The following GALNT8 variants were observed in gnomAD, a reference collection of about 807,000 sequenced individuals.
The protein encoded by GALNT8 is polypeptide N-acetylgalactosaminyltransferase 8, also known as probable polypeptide N-acetylgalactosaminyltransferase 8.
A neutral mutation model predicts 62.7 loss-of-function variants in GALNT8; 66 were observed. That is an observed-to-expected ratio of 1.05 (90% CI 0.86 to 1.29). The LOEUF (loss-of-function observed/expected upper bound fraction) is 1.29, where lower values mean the gene tolerates loss of function less well. GALNT8 is among the 50% of genes most tolerant of loss of function. GALNT8 has a pLI of 0.00. For missense variants in GALNT8, 771 were observed against 791.8 expected, an observed-to-expected ratio of 0.97 and a Z score of 0.32; for synonymous variants, 288 against 294.3, an observed-to-expected ratio of 0.98 and a Z score of 0.22.
intron 9 of GALNT8, among the ~76,000 whole-genome samples, chr12:4,764,742 C>T (rs187514678): frequency 0.01 from 1,564 of 149,486 alleles, 25 homozygotes; most frequent in East Asian, 0.057. Context: ...TTAGCAGAGA[C>T]GGGGTTTCAC....
In GALNT8 at chr12:4,772,610, G is replaced by T; in HGVS notation, c.*13G>T. ...CAACAGCCAGTGATCCTCAGATGGT[G>T]CTGGATCTGGGTCATCAATTCTTGC... On this transcript the variant is annotated 3_prime_UTR_variant, in exon 11 of 11. Transcript: ENST00000252318. 6.3e-7 allele frequency: 1 copy of T among 1,598,144 alleles called. No homozygotes were observed.
At chr12:4,770,316 A>C (rs992171851) in intron 10 of GALNT8, among the ~76,000 whole-genome samples, 18 of 151,890 alleles carry the variant, frequency 1.2e-4, no homozygotes, top group African/African-American at 4.4e-4. Flanking sequence ...GAAAAAAAAA[A>C]AAACAAAAAA....
chr12:4,730,180 G>C (rs1946215399), intron 2 of GALNT8, among the ~76,000 whole-genome samples: 1 of 151,876 alleles, frequency 6.6e-6, no homozygotes, highest in Admixed American at 6.6e-5. Flanking sequence ...TCATTCTTTT[G>C]ATTTTTTTCC....
rs184392189 is a variant in GALNT8, at chr12:4,768,635, T to C, written c.1761+3089T>C. Among the ~76,000 whole-genome samples the C allele has an allele frequency of 2.5e-3, 376 of 152,300 alleles. 2 individuals carry two copies. The highest frequency in any genetic ancestry group is 7.9e-3 in the African/African-American group (330 of 41,570). On this transcript the variant is annotated intron_variant, in intron 10 of 10. Coordinates refer to ENST00000252318, the MANE Select transcript of GALNT8 (RefSeq NM_017417.2). ...CATTCTAACATACAGGCTGGGTCCA[T>C]TTCTATGGCCACTATGTCAAGAACC...
At chr12:4,743,020 A>G (rs936373549) in intron 3 of GALNT8, among the ~76,000 whole-genome samples, 9 of 152,160 alleles carry the variant, frequency 5.9e-5, no homozygotes, top group Admixed American at 3.3e-4. Flanking sequence ...AATTTTTAAT[A>G]TTTGTTTTTC....
chr12:4,722,732 A>G (rs1039100244), intron 1 of GALNT8, among the ~76,000 whole-genome samples: 5 of 152,120 alleles, frequency 3.3e-5, no homozygotes, highest in Non-Finnish European at 5.9e-5. Flanking sequence ...GTGTGTGCAC[A>G]TGGGGCTGGA....
intron 6 of GALNT8, among the ~76,000 whole-genome samples, chr12:4,755,578 G>C (rs753247079): frequency 1.3e-5 from 2 of 152,126 alleles, no homozygotes; most frequent in Admixed American, 6.5e-5. Flanking sequence ...CTGATTTTTG[G>C]TTCTTATGAA....
intron 6 of GALNT8, among the ~76,000 whole-genome samples, chr12:4,755,191 C>G (rs774079220): frequency 6.6e-6 from 1 of 152,206 alleles, no homozygotes; most frequent in Non-Finnish European, 1.5e-5. Context: ...CTAATAGTTG[C>G]CTAGACTGCC....
rs765018619 is a variant in GALNT8 at position 4,745,413 on chromosome 12, C to T, written c.861-16C>T. The T allele has an allele frequency of 2.9e-5, 45 of 1,566,232 alleles. No individual in the cohort carries two copies. Among genetic ancestry groups the T allele is most frequent in the Non-Finnish European group, 3.7e-5 (42 of 1,136,552 alleles). On this transcript the variant is annotated splice_polypyrimidine_tract_variant and intron_variant, in intron 4 of 10. Transcript: ENST00000252318. ...CCTCATATCCAAGCTGGGCTTTCTG[C>T]ACACTCTTGTTCTAGGGCAGAGCCA...
intron 6 of GALNT8, among the ~76,000 whole-genome samples, chr12:4,752,356 A>G (rs889210876): frequency 5.9e-5 from 9 of 151,450 alleles, no homozygotes; most frequent in Admixed American, 3.3e-4. Flanking sequence ...GTCTTCCTCT[A>G]GTGAAGGTGA....
intron 2 of GALNT8, among the ~76,000 whole-genome samples, chr12:4,729,477 T>C (rs1946211577): frequency 6.6e-6 from 1 of 152,142 alleles, no homozygotes; most frequent in Non-Finnish European, 1.5e-5. Context: ...CATTCTACTC[T>C]CTTTCTGTGA....
At chr12:4,735,054 G>A (rs1374334539) in intron 2 of GALNT8, among the ~76,000 whole-genome samples, 3 of 152,284 alleles carry the variant, frequency 2.0e-5, no homozygotes, top group African/African-American at 7.2e-5. Context: ...TGGTTGCAGT[G>A]AGATAAATAT....
chr12:4,760,961 T>G lies in GALNT8; in HGVS notation c.1177T>G (p.Trp393Gly). The change falls in exon 7 of 11, where the codon TGG becomes GGG. Residue 393 changes from tryptophan (W) to glycine (G), a missense_variant. By Grantham distance (184) the Trp-to-Gly change is radical (BLOSUM62 -2). Transcript: ENST00000252318. Reference sequence around the variant, plus strand: ...ATTTTTTGGTCTTCTTCTGCAGGTGTGGCAGTGTGGAGGGAAGGTCGAGAT... The same window carrying G: ...ATTTTTTGGTCTTCTTCTGCAGGTGGGGCAGTGTGGAGGGAAGGTCGAGAT... ...GENVELSLRV[W>G]QCGGKVEILP... 6.2e-7 allele frequency: 1 copy of G among 1,613,790 alleles called. No homozygotes were observed. Among genetic ancestry groups the G allele is most frequent in the Non-Finnish European group, 8.5e-7 (1 of 1,179,824 alleles).
chr12:4,745,158 A>T (rs929897985), intron 4 of GALNT8, among the ~76,000 whole-genome samples: 2 of 152,196 alleles, frequency 1.3e-5, no homozygotes, highest in Non-Finnish European at 2.9e-5. Flanking sequence ...TAATATACAT[A>T]CTGAGAATGC....
chr12:4,745,244 G>A (rs904135090), intron 4 of GALNT8, among the ~76,000 whole-genome samples, 185 bp from the exon 5 acceptor site: 6 of 152,306 alleles, frequency 3.9e-5, no homozygotes, highest in African/African-American at 1.4e-4. Context: ...GCTTCTAGCA[G>A]CTTCAGCTAT....
intron 9 of GALNT8, 103 bp from the exon 10 acceptor site, chr12:4,765,275 GC>G: frequency 9.2e-7 from 1 of 1,089,340 alleles, no homozygotes; most frequent in Non-Finnish European, 1.3e-6. Flanking sequence ...GTGTCTAGGG[GC>G]CCCAAGATCA....
intron 6 of GALNT8, among the ~76,000 whole-genome samples, chr12:4,748,070 A>T (rs1946307929): frequency 6.6e-6 from 1 of 152,032 alleles, no homozygotes; most frequent in Non-Finnish European, 1.5e-5. Context: ...TTGGATTATT[A>T]AATTTTTACC....
At chr12:4,751,217 G>A (rs1479263222) in intron 6 of GALNT8, among the ~76,000 whole-genome samples, 4 of 152,150 alleles carry the variant, frequency 2.6e-5, no homozygotes, top group African/African-American at 4.8e-5. Flanking sequence ...ATAGGGACAG[G>A]CAAAGATTTC....
chr12:4,771,795 G>A (rs772943917), intron 10 of GALNT8, among the ~76,000 whole-genome samples: 9 of 152,164 alleles, frequency 5.9e-5, no homozygotes, highest in South Asian at 2.1e-4. Context: ...GATGGCAGGA[G>A]TGTCAGTTGC....
Sources: allele counts gnomAD v4.1 joint callset (sites outside exome capture counted in the v4.1 genomes callset), GRCh38; gene constraint gnomAD v4.1.1; transcripts MANE v1.5; gene names NCBI Gene and HGNC (gene_info 2026-07-23, HGNC 2026-07-21).